The following UBXN11 variants were observed in gnomAD, a reference collection of about 807,000 sequenced individuals.
UBXN11 encodes the protein UBX domain protein 11.
UBXN11 carries 47 observed loss-of-function variants against 62.8 expected under a neutral mutation model. The observed-to-expected ratio is 0.75, with a 90% confidence interval of 0.59 to 0.95. The LOEUF (loss-of-function observed/expected upper bound fraction) is 0.95. UBXN11 is among the 40% of genes least tolerant of loss of function. The pLI is 0.00. For missense variants in UBXN11, 638 were observed against 661.7 expected, an observed-to-expected ratio of 0.96 and a Z score of 0.39; for synonymous variants, 294 against 267.0, an observed-to-expected ratio of 1.10 and a Z score of -0.99.
chr1:26,282,318 G>T lies in UBXN11; in HGVS notation c.1544C>A (p.Pro515His). ...PGPGPSPCPGPSPSPQ is the reference protein window; with the variant it reads ...PGPGPSPCPGHSPSPQ ...GGTGCTTTATTGGGGGCTGGGACTG[G>T]GTCCAGGACAGGGACTGGGGCCGGG... The change falls in exon 15 of 15, where the codon CCC becomes CAC. Residue 515 changes from proline to histidine, a missense_variant. Pro to His is a moderately conservative substitution (Grantham distance 77). Coordinates refer to ENST00000374222, the MANE Select transcript of UBXN11 (RefSeq NM_001389556.1). 1.4e-6 allele frequency: 2 copies of T among 1,470,536 alleles called. No homozygotes were observed. The highest frequency in any genetic ancestry group is 1.4e-5 in the South Asian group (1 of 72,914). 91.1% of individuals were successfully genotyped at this position (1,470,536 alleles called of 1,614,324 possible).
intron 10 of UBXN11, chr1:26,285,148 G>C: frequency 8.8e-7 from 1 of 1,135,186 alleles, no homozygotes; most frequent in Non-Finnish European, 1.1e-6. Flanking sequence ...AGGAGACTTG[G>C]GGGACAGCCG....
chr1:26,282,542 G>A lies in UBXN11; in HGVS notation c.1320C>T (p.Ile440=). 1 of 1,597,682 alleles carries A rather than the reference G, an allele frequency of 6.3e-7. No individual in the cohort carries two copies. The highest frequency in any genetic ancestry group is 1.1e-5 in the South Asian group (1 of 89,932). The change falls in exon 15 of 15, where the codon ATC becomes ATT. Residue 440 remains isoleucine (I), a synonymous_variant. Coordinates refer to ENST00000374222, the MANE Select transcript of UBXN11 (RefSeq NM_001389556.1). ...AGAGGGTGGGCGGGAATGTGCTGAA[G>A]ATCTCAAAGGCAGAGGCATCCATGA... The part of the protein sequence containing the change: ...ARVMDASAFE[I]FSTFPPTLYQ...
Position 26,300,374 on chromosome 1 carries a change from A to G in UBXN11, c.199+552T>C, listed in dbSNP as rs144285338. On this transcript the variant is annotated intron_variant, in intron 4 of 14. Coordinates refer to ENST00000374222, the MANE Select transcript of UBXN11 (RefSeq NM_001389556.1). ...GATACCACAGCTAGTGAGCTAGTGG[A>G]AAGTTCTAACCTTATCCCCAGCATC... Among the ~76,000 whole-genome samples the G allele has an allele frequency of 1.1e-3, 170 of 152,308 alleles. 1 individual carries two copies. Among genetic ancestry groups the G allele is most frequent in the Non-Finnish European group, 1.7e-3 (113 of 68,022 alleles).
chr1:26,293,121 A>G (rs994767867), intron 8 of UBXN11, among the ~76,000 whole-genome samples: 1 of 152,218 alleles, frequency 6.6e-6, no homozygotes, highest in Non-Finnish European at 1.5e-5. Context: ...CAATGGCTGC[A>G]AGGCCAGAGC....
chr1:26,309,754 G>A (rs2073722902), upstream of UBXN11, among the ~76,000 whole-genome samples: 1 of 152,084 alleles, frequency 6.6e-6, no homozygotes, highest in South Asian at 2.1e-4. Context: ...ACTTGTCAGA[G>A]TCTCAGTGTC....
intron 8 of UBXN11, among the ~76,000 whole-genome samples, chr1:26,288,118 G>A (rs1425330520): frequency 6.6e-6 from 1 of 152,014 alleles, no homozygotes; most frequent in Non-Finnish European, 1.5e-5. Flanking sequence ...TGTTACCAGG[G>A]CTCTGTCTTC....
chr1:26,290,610 G>A (rs1394331531), intron 8 of UBXN11, among the ~76,000 whole-genome samples: 1 of 152,204 alleles, frequency 6.6e-6, no homozygotes, highest in Non-Finnish European at 1.5e-5. Flanking sequence ...GGCAAGCCCA[G>A]GGGCAAGTCA....
At chr1:26,317,030 A>G (rs867849365) in intron 1 of UBXN11, among the ~76,000 whole-genome samples, 31 of 151,230 alleles carry the variant, frequency 2.0e-4, no homozygotes, top group Middle Eastern at 6.8e-3. Flanking sequence ...GGCATTCGAG[A>G]CTAGCCTAGC....
At chr1:26,293,724 C>CAAAAAAAAAA (rs1163207554) in intron 8 of UBXN11, among the ~76,000 whole-genome samples, 4 of 26,940 alleles carry the variant, frequency 1.5e-4, no homozygotes, top group Non-Finnish European at 1.8e-4. Context: ...GACTCCGTCT[C>CAAAAAAAAAA]AAAAAAAAAA....
intron 1 of UBXN11, among the ~76,000 whole-genome samples, chr1:26,315,149 C>T (rs1443559723): frequency 6.6e-6 from 1 of 152,118 alleles, no homozygotes; most frequent in Non-Finnish European, 1.5e-5. Flanking sequence ...AGAGGAAATA[C>T]ATGGACTGTA....
At chr1:26,285,707 G>C in intron 9 of UBXN11, 116 bp downstream of exon 9, 1 of 1,420,902 alleles carries the variant, frequency 7.0e-7, no homozygotes, top group Non-Finnish European at 9.4e-7. Flanking sequence ...GTCGTGTGTG[G>C]GCCTGGGTGC....
intron 10 of UBXN11, 174 bp downstream of exon 10, chr1:26,285,290 C>T: frequency 3.6e-6 from 5 of 1,408,204 alleles, no homozygotes; most frequent in Non-Finnish European, 4.6e-6. Context: ...CTGTTTCGGG[C>T]CTCTCCGCTC....
intron 5 of UBXN11, 21 bp downstream of exon 5, chr1:26,297,941 C>T (rs1217460901): frequency 6.2e-7 from 1 of 1,611,486 alleles, no homozygotes; most frequent in African/African-American, 1.3e-5. Context: ...GCCCCTGGCC[C>T]TCTCCCACCT....
At chr1:26,318,164 C>G (rs1031274726) in exon 1 of UBXN11, 35 of 1,078,684 alleles carry the variant, frequency 3.2e-5, no homozygotes, top group Non-Finnish European at 2.9e-5. Flanking sequence ...AGAGACCCAG[C>G]CTTCTCTCCT....
chr1:26,303,016 T>C (rs1464051889), intron 1 of UBXN11, 98 bp from the exon 2 acceptor site: 1 of 743,444 alleles, frequency 1.3e-6, no homozygotes, highest in Non-Finnish European at 2.2e-6. Context: ...CTCTTCCTAA[T>C]GGGAAGCGCT....
In UBXN11 at chr1:26,284,474, G is replaced by T. The variant is rs1201666790; in HGVS notation, c.861C>A (p.Asp287Glu). Residue 287 changes from aspartate to glutamate, a missense_variant, in exon 11 of 15, where the codon GAC becomes GAA. Coordinates refer to ENST00000374222, the MANE Select transcript of UBXN11 (RefSeq NM_001389556.1). ...CCTCCAGGTAGACCTGATTGCGCAA[G>T]TCACTCACCTGGCAAGAAAGAAGGG... Reference protein sequence around the residue: ...YPNGVPFKVSDLRNQVYLEDG... With the variant: ...YPNGVPFKVSELRNQVYLEDG... 2 of 1,595,314 alleles carry T rather than the reference G, an allele frequency of 1.3e-6. No homozygotes were observed. The highest frequency in any genetic ancestry group is 2.7e-5 in the African/African-American group (2 of 74,510).
At chr1:26,292,300 T>C (rs528895905) in intron 8 of UBXN11, among the ~76,000 whole-genome samples, 2 of 151,140 alleles carry the variant, frequency 1.3e-5, no homozygotes, top group Non-Finnish European at 3.0e-5. Context: ...GCAGGATCAC[T>C]GGCATCCAGG....
rs959094132 is a variant in UBXN11 at position 26,303,139 on chromosome 1, C to T, written c.-35-221G>A. The T allele has an allele frequency of 7.8e-5, 30 of 383,632 alleles. No individual in the cohort carries two copies. The East Asian group carries it at 1.2e-3, about 15-fold the overall frequency. 23.8% of individuals were successfully genotyped at this position (383,632 alleles called of 1,614,324 possible). ...CGGCTTTCTGCTCTGAACTGAGAGACCTTTGGCCTGGTGGTGCTTGGGAAA... is the reference window on the plus strand; with the variant it reads ...CGGCTTTCTGCTCTGAACTGAGAGATCTTTGGCCTGGTGGTGCTTGGGAAA... On this transcript the variant is annotated intron_variant, in intron 1 of 14. Coordinates refer to ENST00000374222, the MANE Select transcript of UBXN11 (RefSeq NM_001389556.1).
chr1:26,296,455 C>T lies in UBXN11; in HGVS notation c.432+464G>A, dbSNP rs541319522. On this transcript the variant is annotated intron_variant, in intron 7 of 14. Coordinates refer to ENST00000374222, the MANE Select transcript of UBXN11 (RefSeq NM_001389556.1). ...ATATGACTGAGGACAGTGGAACTGA[C>T]CTGGGGGAGGTGGGGAAACATTTCA... 5.9e-5 allele frequency among the ~76,000 whole-genome samples: 9 copies of T among 152,240 alleles called. 1 individual carries two copies. In the South Asian group the frequency reaches 1.9e-3, roughly 32 times the overall value.
Sources: gnomAD v4.1 joint callset for allele counts (sites outside exome capture counted in the v4.1 genomes callset) on GRCh38, gnomAD v4.1.1 for gene constraint, MANE v1.5 for transcripts, NCBI Gene and HGNC (gene_info 2026-07-23, HGNC 2026-07-21) for gene names.